KIF13B: variants seen among roughly 807,000 people sequenced by gnomAD.
KIF13B encodes the protein kinesin-like protein KIF13B.
A neutral mutation model predicts 222.0 loss-of-function variants in KIF13B; 127 were observed. The ratio of observed to expected loss-of-function variants is 0.57; its 90% confidence interval spans 0.50 to 0.66. The LOEUF is 0.66. Ranked by LOEUF, KIF13B falls within the 30% of genes least tolerant of loss-of-function variation. The pLI is 0.00. For synonymous variants in KIF13B, 976 were observed against 919.0 expected (o/e 1.06, Z -1.12); for missense variants, 2,173 against 2,379.0 (o/e 0.91, Z 1.80).
At chr8:29,263,090 C>T (rs1816750668), upstream of KIF13B, 23 of 1,453,476 alleles carry the variant, frequency 1.6e-5, no homozygotes, top group South Asian at 2.6e-4. Flanking sequence ...ACCGGCGACT[C>T]TTCGGGGTTG....
At chr8:29,262,020 T>A (rs1040549792) in intron 1 of KIF13B, among the ~76,000 whole-genome samples, 3 of 152,218 alleles carry the variant, frequency 2.0e-5, no homozygotes, top group Non-Finnish European at 2.9e-5. Context: ...GTTCAAAGTC[T>A]CATCAATGGC....
intron 35 of KIF13B, 30 bp from the exon 36 acceptor site, chr8:29,099,271 T>C (rs1475791937): frequency 6.7e-7 from 1 of 1,483,022 alleles, no homozygotes. Flanking sequence ...CAATTTTGTT[T>C]CAAGTTATTC....
intron 21 of KIF13B, among the ~76,000 whole-genome samples, chr8:29,139,816 G>T (rs907869828): frequency 2.0e-5 from 3 of 152,108 alleles, no homozygotes; most frequent in Non-Finnish European, 4.4e-5. Flanking sequence ...GCCACCAGCA[G>T]GTCTGGCTCA....
chr8:29,083,156 G>A (rs1237905580), intron 37 of KIF13B, among the ~76,000 whole-genome samples: 1 of 151,820 alleles, frequency 6.6e-6, no homozygotes, highest in East Asian at 1.9e-4. Flanking sequence ...CCAGCTTGTC[G>A]CCAGCTTAAT....
chr8:29,193,937 C>T (rs1813301487), intron 3 of KIF13B, among the ~76,000 whole-genome samples: 1 of 152,112 alleles, frequency 6.6e-6, no homozygotes, highest in South Asian at 2.1e-4. Flanking sequence ...CCTGCCTCAG[C>T]CTCCTGAGTA....
At chr8:29,216,230 A>G (rs1187413265) in intron 2 of KIF13B, among the ~76,000 whole-genome samples, 2 of 152,234 alleles carry the variant, frequency 1.3e-5, no homozygotes, top group Non-Finnish European at 2.9e-5. Flanking sequence ...GTAATAAGGA[A>G]GGCATATCAC....
chr8:29,158,726 G>GTA (rs1202984063), intron 13 of KIF13B, among the ~76,000 whole-genome samples: 1 of 152,122 alleles, frequency 6.6e-6, no homozygotes, highest in African/African-American at 2.4e-5. Context: ...GCTTGCTGTG[G>GTA]GGTTAGCTTG....
intron 18 of KIF13B, among the ~76,000 whole-genome samples, chr8:29,144,267 T>G (rs1810954774): frequency 1.3e-5 from 2 of 151,980 alleles, no homozygotes; most frequent in African/African-American, 2.4e-5. Flanking sequence ...GTGTGTGTGT[T>G]TTTTTTTAAT....
At chr8:29,118,311 G>A (rs1458746058) in intron 30 of KIF13B, among the ~76,000 whole-genome samples, 3 of 150,098 alleles carry the variant, frequency 2.0e-5, no homozygotes, top group Non-Finnish European at 3.0e-5. Flanking sequence ...CCAACATGGT[G>A]AAACCCCATC....
chr8:29,194,541 C>T (rs1211222710), intron 3 of KIF13B, among the ~76,000 whole-genome samples: 1 of 152,160 alleles, frequency 6.6e-6, no homozygotes, highest in East Asian at 1.9e-4. Context: ...GCTAGCCTAG[C>T]TCTATTCCCC....
intron 21 of KIF13B, among the ~76,000 whole-genome samples, chr8:29,138,857 G>C: frequency 6.6e-6 from 1 of 152,148 alleles, no homozygotes; most frequent in East Asian, 1.9e-4. Context: ...AACAGACCAA[G>C]AGACATACCA....
In KIF13B at chr8:29,133,560, C is replaced by T. The variant is rs1237363053; in HGVS notation, c.2784+480G>A. ...GAGCCAAGATCGTGCCACTGCACTC[C>T]AGCCTGGGTGACTGAGCGAGACTCT... is the stretch of plus-strand genomic sequence containing the variant. On this transcript the variant is annotated intron_variant, in intron 22 of 39. Coordinates refer to ENST00000524189, the MANE Select transcript of KIF13B (RefSeq NM_015254.4). Among the ~76,000 whole-genome samples, 4 of 152,180 alleles carry T rather than the reference C, an allele frequency of 2.6e-5. No homozygotes were observed. In the South Asian group the frequency reaches 6.2e-4, roughly 24 times the overall value.
intron 10 of KIF13B, among the ~76,000 whole-genome samples, chr8:29,171,633 G>A (rs191696551): frequency 6.7e-6 from 1 of 148,804 alleles, no homozygotes; most frequent in Admixed American, 6.7e-5. Context: ...CCAATTTGGA[G>A]AGAGCTCTGG....
intron 1 of KIF13B, among the ~76,000 whole-genome samples, chr8:29,247,043 C>T (rs1816057409): frequency 6.6e-6 from 1 of 152,116 alleles, no homozygotes; most frequent in African/African-American, 2.4e-5. Flanking sequence ...GTAATGAACA[C>T]CCAAAACACA....
intron 2 of KIF13B, among the ~76,000 whole-genome samples, chr8:29,203,409 AATC>A (rs1001195742): frequency 1.4e-4 from 22 of 152,216 alleles, no homozygotes; most frequent in African/African-American, 5.3e-4. Flanking sequence ...TTCTCAGTTT[AATC>A]ATGAGTTCCC....
At chr8:29,175,948 T>C (rs1812459323) in intron 10 of KIF13B, 120 bp downstream of exon 10, 2 of 676,314 alleles carry the variant, frequency 3.0e-6, no homozygotes, top group Non-Finnish European at 5.2e-6. Flanking sequence ...AGCCTAATAA[T>C]TATACATTTG....
chr8:29,204,099 T>C (rs1813823528), intron 2 of KIF13B, among the ~76,000 whole-genome samples: 3 of 152,016 alleles, frequency 2.0e-5, no homozygotes, highest in Admixed American at 1.3e-4. Context: ...AAAACTTATT[T>C]AAATGTAGAA....
chr8:29,154,113 C>T (rs1811414253), intron 14 of KIF13B, among the ~76,000 whole-genome samples: 1 of 152,078 alleles, frequency 6.6e-6, no homozygotes, highest in African/African-American at 2.4e-5. Flanking sequence ...AAGTTTAAGG[C>T]CAATCTGGGC....
At chr8:29,115,594 G>C (rs1386025921) in intron 31 of KIF13B, among the ~76,000 whole-genome samples, 1 of 152,080 alleles carries the variant, frequency 6.6e-6, no homozygotes, top group Non-Finnish European at 1.5e-5. Flanking sequence ...CCAAAGTGTT[G>C]GGATTACAGG....
Sources: allele counts gnomAD v4.1 joint callset (sites outside exome capture counted in the v4.1 genomes callset), GRCh38; gene constraint gnomAD v4.1.1; transcripts MANE v1.5; gene names NCBI Gene and HGNC (gene_info 2026-07-23, HGNC 2026-07-21).